Variants in DLGAP1 observed in about 807,000 individuals in gnomAD.
DLGAP1 encodes the protein disks large-associated protein 1.
A neutral mutation model predicts 90.8 loss-of-function variants in DLGAP1; 11 were observed. The ratio of observed to expected loss-of-function variants is 0.12; its 90% CI spans 0.08 to 0.20. The LOEUF (loss-of-function observed/expected upper bound fraction) is 0.20. Among genes scored for constraint, DLGAP1 ranks in the 10% least tolerant of loss-of-function variants. The probability of loss-of-function intolerance (pLI) is 1.00; values close to 1 mark genes in which losing one functional copy is unlikely to be tolerated. For synonymous variants in DLGAP1, 558 were observed against 540.7 expected (o/e 1.03, Z -0.44); for missense variants, 1,050 against 1,333.8 (o/e 0.79, Z 3.31).
chr18:4,170,281 T>G (rs1400883957), intron 1 of DLGAP1, among the ~76,000 whole-genome samples: 1 of 152,214 alleles, frequency 6.6e-6, no homozygotes, highest in Non-Finnish European at 1.5e-5. Context: ...ATGGGATTAA[T>G]GGAGTTCCAT....
chr18:3,759,257 C>CA (rs397754258), intron 5 of DLGAP1, among the ~76,000 whole-genome samples: 28,527 of 104,640 alleles, frequency 0.27, 3,244 homozygotes, highest in East Asian at 0.59. Context: ...ATTGCTCTGC[C>CA]AAAAAAAAAA....
chr18:3,623,103 C>T (rs1420943985), intron 7 of DLGAP1, among the ~76,000 whole-genome samples: 1 of 152,056 alleles, frequency 6.6e-6, no homozygotes, highest in Admixed American at 6.6e-5. Context: ...CCAGCCTGGC[C>T]TGATTTCAGT....
chr18:4,361,079 A>G (rs553288955), intron 1 of DLGAP1, among the ~76,000 whole-genome samples: 1 of 152,302 alleles, frequency 6.6e-6, no homozygotes, highest in Admixed American at 6.5e-5. Context: ...CAGAAATTAT[A>G]GTTTTTCTGT....
chr18:4,371,420 T>A (rs2144217593), intron 1 of DLGAP1, among the ~76,000 whole-genome samples: 1 of 152,340 alleles, frequency 6.6e-6, no homozygotes, highest in Admixed American at 6.5e-5. Flanking sequence ...TTGCTTTCCA[T>A]AAAATATTTG....
At chr18:3,921,222 C>A (rs1236729813) in intron 3 of DLGAP1, among the ~76,000 whole-genome samples, 1 of 152,030 alleles carries the variant, frequency 6.6e-6, no homozygotes, top group Non-Finnish European at 1.5e-5. Context: ...CAATCTTGGG[C>A]AAGGCGATTC....
intron 8 of DLGAP1, chr18:3,580,455 C>A (rs550623916): frequency 1.2e-6 from 2 of 1,612,020 alleles, no homozygotes; most frequent in Non-Finnish European, 1.7e-6. Context: ...TCTGCCAGCT[C>A]CCTCAGCCGC....
chr18:4,183,483 A>G (rs2077242207), intron 1 of DLGAP1, among the ~76,000 whole-genome samples: 1 of 152,208 alleles, frequency 6.6e-6, no homozygotes, highest in Admixed American at 6.6e-5. Context: ...TCAAAAAATT[A>G]TTTGAAGGTA....
At chr18:3,576,441 A>C (rs2055142587) in intron 8 of DLGAP1, among the ~76,000 whole-genome samples, 1 of 151,394 alleles carries the variant, frequency 6.6e-6, no homozygotes, top group Non-Finnish European at 1.5e-5. Flanking sequence ...TTGTATTTTT[A>C]GTAGAGACTG....
At chr18:4,240,203 G>T (rs747710235) in intron 1 of DLGAP1, among the ~76,000 whole-genome samples, 20 of 152,042 alleles carry the variant, frequency 1.3e-4, no homozygotes, top group Non-Finnish European at 2.5e-4. Context: ...GTGTTTATAT[G>T]CATTTTTTAA....
chr18:3,927,101 T>A (rs2072408973), intron 3 of DLGAP1, among the ~76,000 whole-genome samples: 4 of 152,230 alleles, frequency 2.6e-5, no homozygotes, highest in Admixed American at 2.6e-4. Flanking sequence ...GAGCTCTTCC[T>A]TACTCAATGA....
chr18:3,500,739 G>T (rs2049886911), intron 12 of DLGAP1, among the ~76,000 whole-genome samples: 1 of 151,970 alleles, frequency 6.6e-6, no homozygotes, highest in South Asian at 2.1e-4. Flanking sequence ...GCTAACTAAT[G>T]ATTTACTATG....
chr18:3,711,298 A>G lies in DLGAP1; in HGVS notation c.1591+17837T>C, dbSNP rs1298544456. On this transcript the variant is annotated intron_variant, in intron 7 of 12. Transcript: ENST00000315677. This position sits in a 1 kb window ranked among gnomAD's most constrained non-coding sequence, Gnocchi z 4.0. ...CCTTCTGTAATGACTCCAGTGATCAATGCTTTCATCATGCAAGTGAATCAG... is the reference window on the plus strand; with the variant it reads ...CCTTCTGTAATGACTCCAGTGATCAGTGCTTTCATCATGCAAGTGAATCAG... Among the ~76,000 whole-genome samples the G allele has an allele frequency of 6.6e-6, 1 of 152,252 alleles. No homozygotes were observed. Among genetic ancestry groups the G allele is most frequent in the East Asian group, 1.9e-4 (1 of 5,206 alleles).
At chr18:3,748,081 G>A (rs747434906) in intron 5 of DLGAP1, among the ~76,000 whole-genome samples, 1 of 152,176 alleles carries the variant, frequency 6.6e-6, no homozygotes, top group Non-Finnish European at 1.5e-5. Flanking sequence ...TTGGTCTAAC[G>A]AAATGGCACT....
At chr18:3,764,812 T>C (rs1217591380) in intron 5 of DLGAP1, among the ~76,000 whole-genome samples, 1 of 152,192 alleles carries the variant, frequency 6.6e-6, no homozygotes, top group East Asian at 1.9e-4. Flanking sequence ...GAAACAAAAT[T>C]TTCATGGCTT....
chr18:4,112,122 C>T (rs1018971529), intron 2 of DLGAP1, among the ~76,000 whole-genome samples: 4 of 151,876 alleles, frequency 2.6e-5, no homozygotes, highest in Admixed American at 1.3e-4. Flanking sequence ...CATTTTGGTA[C>T]GTTGTACTTT....
At chr18:4,057,728 C>T (rs2075242623) in intron 2 of DLGAP1, among the ~76,000 whole-genome samples, 1 of 152,210 alleles carries the variant, frequency 6.6e-6, no homozygotes. Context: ...TCGGAGGAGG[C>T]AAGAATCAAG....
intron 2 of DLGAP1, among the ~76,000 whole-genome samples, chr18:4,122,953 C>T (rs2076176636): frequency 6.6e-6 from 1 of 152,056 alleles, no homozygotes; most frequent in African/African-American, 2.4e-5. Flanking sequence ...TACAGTGGAC[C>T]CTATTTGCTT....
intron 5 of DLGAP1, among the ~76,000 whole-genome samples, chr18:3,811,893 GTC>G (rs1239425255): frequency 1.9e-4 from 29 of 152,246 alleles, no homozygotes; most frequent in African/African-American, 7.0e-4. Context: ...CCTGTCCTCA[GTC>G]TCCTCAGAGC....
intron 3 of DLGAP1, among the ~76,000 whole-genome samples, chr18:3,999,358 A>C (rs9303938): frequency 0.95 from 144,993 of 152,208 alleles, 69,064 homozygotes; most frequent in East Asian, 1. Flanking sequence ...ATCTGGAAAT[A>C]TTTTTATAAA....
Sources: allele counts gnomAD v4.1 joint callset (sites outside exome capture counted in the v4.1 genomes callset), GRCh38; gene constraint gnomAD v4.1.1; non-coding constraint Gnocchi (gnomAD v3.1); transcripts MANE v1.5; gene names NCBI Gene and HGNC (gene_info 2026-07-23, HGNC 2026-07-21).